Variants in AVL9 observed in about 807,000 individuals in gnomAD.
AVL9 encodes late secretory pathway protein AVL9 homolog.
AVL9 carries 49 observed loss-of-function variants against 79.2 expected under a neutral mutation model. The ratio of observed to expected loss-of-function variants is 0.62; its 90% confidence interval spans 0.49 to 0.79. The LOEUF (loss-of-function observed/expected upper bound fraction) is 0.79, where lower values mean the gene tolerates loss of function less well. AVL9 is among the 30% of genes least tolerant of loss of function. The pLI is 0.00. For synonymous variants in AVL9, 299 were observed against 280.6 expected, an observed-to-expected ratio of 1.07 and a Z score of -0.65; for missense variants, 682 against 776.8, an observed-to-expected ratio of 0.88 and a Z score of 1.45.
chr7:32,565,442 C>T (rs1205192926), intron 10 of AVL9, among the ~76,000 whole-genome samples: 3 of 151,626 alleles, frequency 2.0e-5, no homozygotes. Flanking sequence ...GCCTGTAATC[C>T]CAGCTACTTG....
intron 15 of AVL9, among the ~76,000 whole-genome samples, 165 bp from the exon 16 acceptor site, chr7:32,583,627 C>G (rs943209023): frequency 1.3e-5 from 2 of 152,054 alleles, no homozygotes; most frequent in Admixed American, 1.3e-4. Context: ...TGCAGGGAGC[C>G]GTGACCACTG....
chr7:32,576,132 C>A, intron 13 of AVL9, 60 bp downstream of exon 13: 1 of 1,131,966 alleles, frequency 8.8e-7, no homozygotes, highest in African/African-American at 1.6e-5. Flanking sequence ...GTGCCCAATA[C>A]AGAGAAAAAT....
At chr7:32,555,610 T>TG (rs1790021150) in intron 8 of AVL9, among the ~76,000 whole-genome samples, 1 of 152,234 alleles carries the variant, frequency 6.6e-6, no homozygotes, top group South Asian at 2.1e-4. Flanking sequence ...GCTTTCACAC[T>TG]GTAGTGGCAG....
chr7:32,542,262 G>A (rs981327270), intron 1 of AVL9, among the ~76,000 whole-genome samples: 2 of 150,558 alleles, frequency 1.3e-5, no homozygotes, highest in Admixed American at 6.6e-5. Context: ...CGAATTGGCC[G>A]GGCACAGTGC....
At position 32,566,475 on chromosome 7, in the gene AVL9, A is replaced by ATAATAG. The variant is rs552339479; in HGVS notation, c.1216-3541_1216-3540insAGTAAT. ...TGAGCCACCATGCCCAGCCAAAATA[A>ATAATAG]TAATGTTTAAGGCTAGTCAAATGAA... On this transcript the variant is annotated intron_variant, in intron 10 of 15. Transcript: ENST00000318709. Among the ~76,000 whole-genome samples the ATAATAG allele has an allele frequency of 1.9e-3, 288 of 151,016 alleles. 1 individual carries two copies. Among genetic ancestry groups the ATAATAG allele is most frequent in the African/African-American group, 6.8e-3 (278 of 41,146 alleles).
chr7:32,551,403 T>C lies in AVL9; in HGVS notation c.442T>C (p.Ser148Pro). The part of the protein sequence containing the change: ...THAYFEEKDF[S>P]QISILKELYE... ...TGCATATTTTGAAGAGAAGGATTTTTCCCAAATTTCTATTCTAAAGGTAAC... is the reference window on the plus strand; with the variant it reads ...TGCATATTTTGAAGAGAAGGATTTTCCCCAAATTTCTATTCTAAAGGTAAC... Residue 148 changes from serine (S) to proline (P), a missense_variant, in exon 5 of 16, where the codon TCC (serine) becomes CCC (proline). Ser to Pro is a moderately conservative substitution (Grantham distance 74, BLOSUM62 -1). Coordinates refer to ENST00000318709, the MANE Select transcript of AVL9 (RefSeq NM_015060.3). 6.2e-7 allele frequency: 1 copy of C among 1,607,056 alleles called. No individual in the cohort carries two copies. The highest frequency in any genetic ancestry group is 8.5e-7 in the Non-Finnish European group (1 of 1,173,978).
At position 32,579,623 on chromosome 7, in the gene AVL9, T is replaced by A. The variant is rs867320377; in HGVS notation, c.1689-596T>A. On this transcript the variant is annotated intron_variant, in intron 13 of 15. Transcript: ENST00000318709. ...TATATTATATTATATATTATATATA[T>A]ATAATACACTTTTTTCTTTTAATAT... 1.6e-3 allele frequency among the ~76,000 whole-genome samples: 106 copies of A among 66,820 alleles called. 26 individuals carry two copies. Among genetic ancestry groups the A allele is most frequent in the African/African-American group, 6.1e-3 (98 of 16,086 alleles). 43.8% of individuals were successfully genotyped at this position (66,820 alleles called of 152,430 possible). A position where few individuals can be genotyped will look rare whatever the true frequency, so the allele number is the denominator to read the frequency against.
chr7:32,520,864 C>T lies in AVL9; in HGVS notation c.94-22277C>T, dbSNP rs994379736. On this transcript the variant is annotated intron_variant, in intron 1 of 15. Coordinates refer to ENST00000318709, the MANE Select transcript of AVL9 (RefSeq NM_015060.3). ...AATCTCAACTTGAATTGTATCTCCC[C>T]GAATTCACATGTGTTGTGGGAGGGA... Among the ~76,000 whole-genome samples, 21 of 152,196 alleles carry T rather than the reference C, an allele frequency of 1.4e-4. 1 individual carries two copies. In the South Asian group the frequency reaches 2.5e-3, roughly 18 times the overall value.
chr7:32,512,143 A>T (rs887806766), intron 1 of AVL9, among the ~76,000 whole-genome samples: 3 of 152,176 alleles, frequency 2.0e-5, no homozygotes, highest in Non-Finnish European at 1.5e-5. Flanking sequence ...TGGTCATGGG[A>T]AGTAGCAAAG....
In AVL9 at chr7:32,495,726, G is replaced by A; in HGVS notation, c.17G>A (p.Arg6Lys). Residue 6 changes from arginine to lysine, a missense_variant, in exon 1 of 16, where the codon AGA becomes AAA. Arg to Lys is a conservative substitution (Grantham distance 26, BLOSUM62 2). Coordinates refer to ENST00000318709, the MANE Select transcript of AVL9 (RefSeq NM_015060.3). ...CGGCCGCCCATGGAGAAGGCCAGGAGAGGCGGGGATGGCGTCCCCCGGGGG... is the reference window on the plus strand; with the variant it reads ...CGGCCGCCCATGGAGAAGGCCAGGAAAGGCGGGGATGGCGTCCCCCGGGGG... MEKAR[R>K]GGDGVPRGPV... 8 of 1,261,594 alleles carry A rather than the reference G, an allele frequency of 6.3e-6. No individual in the cohort carries two copies. The highest frequency in any genetic ancestry group is 8.1e-6 in the Non-Finnish European group (8 of 993,260). 78.1% of individuals were successfully genotyped at this position (1,261,594 alleles called of 1,614,324 possible). A position where few individuals can be genotyped will look rare whatever the true frequency, so the allele number is the denominator to read the frequency against.
Position 32,549,196 on chromosome 7 carries a change from CA to C in AVL9, c.372+290del, listed in dbSNP as rs3079782. On this transcript the variant is annotated intron_variant, in intron 4 of 15. Transcript: ENST00000318709. ...TTCATTTATCCATTTTGGTTTTGTCCAAAAAAAAAAAATTTTATATATATAT... is the reference window on the plus strand; with the variant it reads ...TTCATTTATCCATTTTGGTTTTGTCCAAAAAAAAAAATTTTATATATATAT... Among the ~76,000 whole-genome samples the C allele has an allele frequency of 7.2e-3, 1,021 of 142,326 alleles. 7 individuals carry two copies. Among genetic ancestry groups the C allele is most frequent in the African/African-American group, 0.025 (939 of 38,192 alleles). 93.4% of individuals were successfully genotyped at this position (142,326 alleles called of 152,430 possible).
intron 8 of AVL9, among the ~76,000 whole-genome samples, chr7:32,557,746 G>A (rs951306227): frequency 6.6e-6 from 1 of 151,814 alleles, no homozygotes; most frequent in Non-Finnish European, 1.5e-5. Context: ...TGACTATCCT[G>A]TTGTTTCACA....
At chr7:32,524,225 GTA>G (rs1268096185) in intron 1 of AVL9, among the ~76,000 whole-genome samples, 3 of 151,824 alleles carry the variant, frequency 2.0e-5, no homozygotes, top group Non-Finnish European at 4.4e-5. Context: ...ATGAAAATGG[GTA>G]TTACATCGCT....
At chr7:32,542,989 A>G (rs1369615813) in intron 1 of AVL9, 152 bp from the exon 2 acceptor site, 6 of 919,052 alleles carry the variant, frequency 6.5e-6, no homozygotes, top group East Asian at 5.1e-5. Flanking sequence ...CCCCTCTTCC[A>G]TGCCATAGGT....
chr7:32,522,117 G>A (rs564074982), intron 1 of AVL9, among the ~76,000 whole-genome samples: 1 of 152,262 alleles, frequency 6.6e-6, no homozygotes, highest in Non-Finnish European at 1.5e-5. Flanking sequence ...TGCTAGGGCA[G>A]TGTGGAAGGG....
At chr7:32,546,128 C>T (rs573549177) in intron 3 of AVL9, among the ~76,000 whole-genome samples, 7 of 141,990 alleles carry the variant, frequency 4.9e-5, no homozygotes, top group African/African-American at 1.6e-4. Context: ...GAATTAGAAT[C>T]GCTGGGATTT....
chr7:32,540,206 C>T (rs1408695612), intron 1 of AVL9, among the ~76,000 whole-genome samples: 1 of 152,152 alleles, frequency 6.6e-6, no homozygotes, highest in Non-Finnish European at 1.5e-5. Context: ...ATTTAGGTTT[C>T]CCTTTTATGC....
At chr7:32,544,416 A>G (rs1789373625) in intron 2 of AVL9, among the ~76,000 whole-genome samples, 1 of 152,104 alleles carries the variant, frequency 6.6e-6, no homozygotes, top group South Asian at 2.1e-4. Context: ...TTTCATCTAG[A>G]ACGATTCCCT....
intron 1 of AVL9, chr7:32,535,830 G>A (rs1202844194): frequency 2.0e-5 from 3 of 152,118 alleles, no homozygotes; most frequent in Non-Finnish European, 4.4e-5. Context: ...GCAGGACCAG[G>A]TAGAGGTAAT....
Sources: allele counts gnomAD v4.1 joint callset (sites outside exome capture counted in the v4.1 genomes callset), GRCh38; gene constraint gnomAD v4.1.1; transcripts MANE v1.5; gene names NCBI Gene and HGNC (gene_info 2026-07-23, HGNC 2026-07-21).